Variants in NFS1 observed in about 807,000 individuals in gnomAD.
The protein encoded by NFS1 is NFS1 cysteine desulfurase.
Under a neutral mutation model 57.3 loss-of-function variants are expected in NFS1, and 26 were observed. The ratio of observed to expected loss-of-function variants is 0.45; its 90% CI spans 0.33 to 0.63. NFS1 has a LOEUF of 0.63. Among genes scored for constraint, NFS1 ranks in the 20% least tolerant of loss-of-function variants. The pLI is 0.02. For synonymous variants in NFS1, 209 were observed against 216.3 expected, an observed-to-expected ratio of 0.97 and a Z score of 0.30; for missense variants, 505 against 605.8, an observed-to-expected ratio of 0.83 and a Z score of 1.75.
intron 5 of NFS1, among the ~76,000 whole-genome samples, chr20:35,686,264 C>T (rs2034941771): frequency 6.8e-6 from 1 of 146,534 alleles, no homozygotes; most frequent in South Asian, 2.2e-4. Context: ...GCAGGAAAAT[C>T]GCTTGAACCC....
chr20:35,684,744 C>G (rs529518965), intron 5 of NFS1, among the ~76,000 whole-genome samples: 64 of 151,490 alleles, frequency 4.2e-4, no homozygotes, highest in Middle Eastern at 6.8e-3. Context: ...AGCAAGACTC[C>G]CATCTCAATA....
chr20:35,671,707 T>C (rs1026243993), intron 12 of NFS1, among the ~76,000 whole-genome samples: 1 of 151,942 alleles, frequency 6.6e-6, no homozygotes, highest in Non-Finnish European at 1.5e-5. Flanking sequence ...CTGGGCAACA[T>C]AGCAAAACTC....
intron 7 of NFS1, among the ~76,000 whole-genome samples, chr20:35,679,947 T>C (rs759845165): frequency 2.2e-4 from 33 of 152,008 alleles, no homozygotes; most frequent in Admixed American, 2.0e-4. Flanking sequence ...AATAGGACCA[T>C]AGGGAACAAA....
chr20:35,688,512 G>A (rs1484446461), intron 5 of NFS1, among the ~76,000 whole-genome samples: 9 of 152,098 alleles, frequency 5.9e-5, no homozygotes, highest in South Asian at 4.1e-4. Flanking sequence ...AGCCAAGATC[G>A]TGCCACTGCA....
At chr20:35,674,878 C>A in intron 8 of NFS1, 167 bp downstream of exon 8, 1 of 881,864 alleles carries the variant, frequency 1.1e-6, no homozygotes, top group Non-Finnish European at 1.8e-6. Context: ...GGTTTTGAAG[C>A]CCATAATGTC....
chr20:35,674,822 T>C, intron 8 of NFS1: 1 of 691,708 alleles, frequency 1.4e-6, no homozygotes, highest in Non-Finnish European at 2.4e-6. Context: ...CAGGGTTCAT[T>C]TACTTATCCA....
At chr20:35,698,454 C>T in intron 2 of NFS1, 27 bp downstream of exon 2, 1 of 1,513,080 alleles carries the variant, frequency 6.6e-7, no homozygotes, top group Non-Finnish European at 9.0e-7. Context: ...TTCCTATAAG[C>T]AGCCTTGGGA....
chr20:35,690,308 T>G, intron 5 of NFS1, 105 bp downstream of exon 5: 1 of 1,082,802 alleles, frequency 9.2e-7, no homozygotes, highest in Non-Finnish European at 1.4e-6. Flanking sequence ...TCATCCTAAC[T>G]GTTAGATCTA....
At position 35,698,509 on chromosome 20, in the gene NFS1, TAG is replaced by T. The variant is rs1568968093; in HGVS notation, c.177_178del (p.Met61GlyfsTer14). ...AGGAGTTGTAGCTTGCACATCCATA[TAG>T]AGAGGTCGCAGCACTGGCCCCACCT... On this transcript the variant is annotated frameshift_variant, in exon 2 of 13. Coordinates refer to ENST00000374092, the MANE Select transcript of NFS1 (RefSeq NM_021100.5). LOFTEE classifies it high-confidence loss of function. The T allele has an allele frequency of 1.2e-6, 2 of 1,613,528 alleles. No homozygotes were observed. The highest frequency in any genetic ancestry group is 2.2e-5 in the South Asian group (2 of 91,032).
At chr20:35,680,920 TGTCA>T in intron 6 of NFS1, 49 bp from the exon 7 acceptor site, 6 of 1,416,710 alleles carry the variant, frequency 4.2e-6, no homozygotes, top group Middle Eastern at 4.0e-4. Context: ...GAAAGTCATC[TGTCA>T]GAGTCCCACA....
intron 4 of NFS1, among the ~76,000 whole-genome samples, chr20:35,693,997 T>C (rs1276920541): frequency 1.3e-5 from 2 of 151,766 alleles, no homozygotes; most frequent in Non-Finnish European, 1.5e-5. Flanking sequence ...AATAACAAAA[T>C]TAGACAGGCG....
intron 5 of NFS1, among the ~76,000 whole-genome samples, chr20:35,685,558 T>TTA (rs35529809): frequency 0.12 from 17,626 of 143,396 alleles, 1,282 homozygotes; most frequent in African/African-American, 0.18. Context: ...ATAAAATATT[T>TTA]TATATATATA....
rs1024727893 is a variant in NFS1 at position 35,668,474 on chromosome 20, A to G, written c.*1148T>C. Reference sequence around the variant, plus strand: ...CCACAAATGAAAAGCTCTAGTTACAATGGCCTTCTCTTGGTTTCTAAAGTA... The same window carrying G: ...CCACAAATGAAAAGCTCTAGTTACAGTGGCCTTCTCTTGGTTTCTAAAGTA... On this transcript the variant is annotated 3_prime_UTR_variant, in exon 13 of 13. Transcript: ENST00000374092. The G allele has an allele frequency of 6.6e-6, 1 of 152,256 alleles. No homozygotes were observed. The highest frequency in any genetic ancestry group is 2.4e-5 in the African/African-American group (1 of 41,472). The allele number at this position is 152,256 out of a possible 1,614,324, so 9.4% of individuals were successfully genotyped here. A position where few individuals can be genotyped will look rare whatever the true frequency, so the allele number is the denominator to read the frequency against.
chr20:35,697,976 T>C (rs950290638), intron 2 of NFS1, among the ~76,000 whole-genome samples, 176 bp from the exon 3 acceptor site: 4 of 152,130 alleles, frequency 2.6e-5, no homozygotes, highest in African/African-American at 9.7e-5. Context: ...ATCAACCTAA[T>C]ACACTCCCAC....
intron 7 of NFS1, among the ~76,000 whole-genome samples, chr20:35,680,162 G>A (rs372751292): frequency 7.9e-5 from 12 of 152,130 alleles, no homozygotes; most frequent in Admixed American, 2.0e-4. Context: ...AAAATTAGCC[G>A]GGCGTAGTGG....
chr20:35,699,162 C>T lies in NFS1; in HGVS notation c.97+30G>A. On this transcript the variant is annotated intron_variant, in intron 1 of 12. Transcript: ENST00000374092. The surrounding 1 kb of genome is among the most constrained non-coding windows in gnomAD (Gnocchi z 4.4). ...TCGCCGCGCGGAGGGGACAGGTCCG[C>T]GCCTCCCGGAGAGCGGGACCCGAGC... 2 of 1,387,358 alleles carry T rather than the reference C, an allele frequency of 1.4e-6. No homozygotes were observed. The highest frequency in any genetic ancestry group is 1.9e-6 in the Non-Finnish European group (2 of 1,079,996). The allele number at this position is 1,387,358 out of a possible 1,614,324, so 85.9% of individuals were successfully genotyped here.
chr20:35,696,384 G>T lies in NFS1; in HGVS notation c.401C>A (p.Ala134Glu). ...TSGATESNNI[A>E]IKGVARFYRS... ...CTGGTTCCCTTCTCTTACCTTAATT[G>T]CTATGTTGTTGGATTCAGTAGCACC... Residue 134 changes from alanine (A) to glutamate (E), a missense_variant, in exon 4 of 13, where the codon GCA becomes GAA. By Grantham distance (107) the Ala-to-Glu change is moderately radical. Transcript: ENST00000374092. 1.2e-6 allele frequency: 2 copies of T among 1,611,056 alleles called. No individual in the cohort carries two copies. The highest frequency in any genetic ancestry group is 1.7e-6 in the Non-Finnish European group (2 of 1,177,208).
At chr20:35,698,924 C>T in intron 1 of NFS1, 1 of 1,307,756 alleles carries the variant, frequency 7.6e-7, no homozygotes, top group East Asian at 3.2e-5. Flanking sequence ...TGCACGGGAG[C>T]CCGGAGCAGC....
At chr20:35,697,315 AAAG>A (rs2035151829) in intron 3 of NFS1, among the ~76,000 whole-genome samples, 1 of 152,090 alleles carries the variant, frequency 6.6e-6, no homozygotes, top group African/African-American at 2.4e-5. Context: ...AAAAAAAAAA[AAAG>A]AACTATTGAG....
Sources: allele counts gnomAD v4.1 joint callset (sites outside exome capture counted in the v4.1 genomes callset), GRCh38; gene constraint gnomAD v4.1.1; non-coding constraint Gnocchi (gnomAD v3.1); transcripts MANE v1.5; gene names NCBI Gene and HGNC (gene_info 2026-07-23, HGNC 2026-07-21).